Variants in HP1BP3 observed in about 807,000 individuals in gnomAD.
HP1BP3 encodes the protein heterochromatin protein 1 binding protein 3, also known as heterochromatin protein 1-binding protein 3.
In HP1BP3, 12 loss-of-function variants were observed where a neutral mutation model predicts 62.5. The observed-to-expected ratio is 0.19, with a 90% confidence interval of 0.12 to 0.31. HP1BP3 has a LOEUF of 0.31. Among genes scored for constraint, HP1BP3 ranks in the 10% least tolerant of loss-of-function variants. HP1BP3 has a pLI of 1.00. For synonymous variants in HP1BP3, 260 were observed against 237.8 expected (o/e 1.09, Z -0.86); for missense variants, 502 against 651.8 (o/e 0.77, Z 2.50).
intron 3 of HP1BP3, 81 bp downstream of exon 3, chr1:20,779,731 T>C: frequency 1.3e-6 from 1 of 751,592 alleles, no homozygotes; most frequent in South Asian, 1.9e-5. Context: ...AAAAAACAAT[T>C]AAGTTCAAAG....
chr1:20,764,561 T>C (rs1172100633), intron 8 of HP1BP3, among the ~76,000 whole-genome samples: 1 of 151,798 alleles, frequency 6.6e-6, no homozygotes, highest in Middle Eastern at 3.4e-3. Flanking sequence ...ACTCTTTTAA[T>C]GTTGTCAACT....
rs546409168 is a variant in HP1BP3 at position 20,746,101 on chromosome 1, TCTC to T, written c.1254-448_1254-446del. ...AAGCTTCAAAGGTATTCGGCAAGGA[TCTC>T]CTAAACTCTTTTTTGTCCTTGGTGG... On this transcript the variant is annotated intron_variant, in intron 11 of 12. Coordinates refer to ENST00000438032, the MANE Select transcript of HP1BP3 (RefSeq NM_001372052.1). Among the ~76,000 whole-genome samples, 235 of 152,168 alleles carry T rather than the reference TCTC, an allele frequency of 1.5e-3. 3 individuals carry two copies. Among genetic ancestry groups the T allele is most frequent in the African/African-American group, 5.3e-3 (220 of 41,490 alleles).
chr1:20,786,769 T>TGAGGG (rs1027738468), intron 1 of HP1BP3: 1 of 150,928 alleles, frequency 6.6e-6, no homozygotes, highest in African/African-American at 2.5e-5. Flanking sequence ...GGGAGTGGGG[T>TGAGGG]GAGGGGAGGG....
chr1:20,785,851 C>T (rs1305579142), intron 1 of HP1BP3, among the ~76,000 whole-genome samples: 1 of 152,178 alleles, frequency 6.6e-6, no homozygotes, highest in Non-Finnish European at 1.5e-5. Context: ...AATCAAAAAG[C>T]TAACAAGTTT....
chr1:20,771,100 T>G lies in HP1BP3; in HGVS notation c.511-27A>C, dbSNP rs747283162. 1.1e-5 allele frequency: 17 copies of G among 1,528,744 alleles called. No homozygotes were observed. The Admixed American group carries it at 1.5e-4, about 13-fold the overall frequency. 94.7% of individuals were successfully genotyped at this position (1,528,744 alleles called of 1,614,324 possible). On this transcript the variant is annotated intron_variant, in intron 5 of 12. Coordinates refer to ENST00000438032, the MANE Select transcript of HP1BP3 (RefSeq NM_001372052.1). ...TAGAAAAGATTTATTAAACTAGTTG[T>G]TTTTTTTTATTAGATAGAGCCTGAC...
At chr1:20,750,040 C>A in intron 9 of HP1BP3, 158 bp from the exon 10 acceptor site, 1 of 1,390,678 alleles carries the variant, frequency 7.2e-7, no homozygotes, top group South Asian at 1.6e-5. Flanking sequence ...TCCCATTCAA[C>A]AGGTATTCAA....
At position 20,771,093 on chromosome 1, in the gene HP1BP3, C is replaced by A. The variant is rs568773814; in HGVS notation, c.511-20G>T. On this transcript the variant is annotated intron_variant, in intron 5 of 12. Transcript: ENST00000438032. ...GCATGCCTAGAAAAGATTTATTAAA[C>A]TAGTTGTTTTTTTTTATTAGATAGA... The A allele has an allele frequency of 3.9e-5, 61 of 1,577,332 alleles. 1 individual carries two copies. In the South Asian group the frequency reaches 7.3e-4, roughly 19 times the overall value.
At chr1:20,778,598 C>T (rs925869709) in intron 3 of HP1BP3, among the ~76,000 whole-genome samples, 8 of 152,096 alleles carry the variant, frequency 5.3e-5, no homozygotes, top group Non-Finnish European at 1.2e-4. Context: ...CTTACCAGCA[C>T]CCGTTTACTT....
chr1:20,771,918 T>G (rs910160029), intron 5 of HP1BP3, among the ~76,000 whole-genome samples: 3 of 152,242 alleles, frequency 2.0e-5, no homozygotes, highest in African/African-American at 7.2e-5. Flanking sequence ...CTTCGTTGAA[T>G]GTTTTTATAC....
intron 4 of HP1BP3, chr1:20,776,083 A>G: frequency 7.8e-7 from 1 of 1,288,980 alleles, no homozygotes; most frequent in Non-Finnish European, 1.0e-6. Context: ...TCAATAGCAA[A>G]TTTTACTTTC....
chr1:20,787,228 C>A lies in HP1BP3; in HGVS notation c.-134G>T. 6.6e-6 allele frequency: 1 copy of A among 152,386 alleles called. No homozygotes were observed. The highest frequency in any genetic ancestry group is 1.9e-4 in the South Asian group (1 of 5,310). 9.4% of individuals were successfully genotyped at this position (152,386 alleles called of 1,614,324 possible). A position where few individuals can be genotyped will look rare whatever the true frequency, so the allele number is the denominator to read the frequency against. On this transcript the variant is annotated 5_prime_UTR_variant, in exon 1 of 13. Coordinates refer to ENST00000438032, the MANE Select transcript of HP1BP3 (RefSeq NM_001372052.1). The stretch of plus-strand genomic sequence containing the variant: ...TCGGCCGGTCCTGGCGCCCGCGTCC[C>A]GCACGGCCTCTCGGCGCCGCTCCCG...
chr1:20,755,230 G>A (rs961226764), intron 9 of HP1BP3: 9 of 306,304 alleles, frequency 2.9e-5, no homozygotes, highest in African/African-American at 1.7e-4. Flanking sequence ...CACTAGTATG[G>A]CTATAATAAA....
Position 20,771,053 on chromosome 1 carries a change from A to C in HP1BP3, c.531T>G (p.Gly177=). 1 of 1,607,022 alleles carries C rather than the reference A, an allele frequency of 6.2e-7. No individual in the cohort carries two copies. The highest frequency in any genetic ancestry group is 8.5e-7 in the Non-Finnish European group (1 of 1,177,756). Residue 177 remains glycine (G), a synonymous_variant, in exon 6 of 13, where the codon GGT becomes GGG. Coordinates refer to ENST00000438032, the MANE Select transcript of HP1BP3 (RefSeq NM_001372052.1). ...EAIKACFQKS[G]ASVVAIRKYI... Reference sequence around the variant, plus strand: ...ATTTTCGAATAGCAACCACTGATGCACCACTCTTCTGGAAGCATGCCTAGA... The same window carrying C: ...ATTTTCGAATAGCAACCACTGATGCCCCACTCTTCTGGAAGCATGCCTAGA...
intron 3 of HP1BP3, 42 bp downstream of exon 3, chr1:20,779,770 A>G (rs1426169249): frequency 7.5e-6 from 10 of 1,331,404 alleles, no homozygotes; most frequent in South Asian, 3.8e-5. Flanking sequence ...AAATTGCAGT[A>G]TAACTTTTGA....
intron 8 of HP1BP3, among the ~76,000 whole-genome samples, chr1:20,762,637 A>G (rs1411809619): frequency 6.6e-6 from 1 of 152,154 alleles, no homozygotes. Flanking sequence ...AGAAACTCAA[A>G]AATAATGAAA....
intron 9 of HP1BP3, among the ~76,000 whole-genome samples, chr1:20,751,967 A>C (rs956404994): frequency 1.3e-5 from 2 of 152,114 alleles, no homozygotes; most frequent in African/African-American, 4.8e-5. Context: ...TTGCATAATA[A>C]AACTAAGATA....
At chr1:20,783,300 C>T (rs2057657544) in intron 1 of HP1BP3, among the ~76,000 whole-genome samples, 1 of 152,056 alleles carries the variant, frequency 6.6e-6, no homozygotes, top group Non-Finnish European at 1.5e-5. Context: ...GCAGGGATCA[C>T]CTGAGGTCAG....
In HP1BP3 at chr1:20,743,697, G is replaced by C. The variant is rs2055153738; in HGVS notation, c.*1100C>G. Reference sequence around the variant, plus strand: ...TAATAATAAAAAATAAAAAAGATTTGTTTTGATTTTTGGTAACACAGGTGA... The same window carrying C: ...TAATAATAAAAAATAAAAAAGATTTCTTTTGATTTTTGGTAACACAGGTGA... On this transcript the variant is annotated 3_prime_UTR_variant, in exon 13 of 13. Transcript: ENST00000438032. The C allele has an allele frequency of 6.6e-6, 1 of 151,884 alleles. No individual in the cohort carries two copies. Among genetic ancestry groups the C allele is most frequent in the South Asian group, 2.1e-4 (1 of 4,812 alleles). 9.4% of individuals were successfully genotyped at this position (151,884 alleles called of 1,614,324 possible).
intron 5 of HP1BP3, 98 bp downstream of exon 5, chr1:20,773,353 A>G (rs589755): frequency 0.45 from 438,488 of 973,670 alleles, 101,092 homozygotes; most frequent in African/African-American, 0.54. Context: ...AGGAAGCAGA[A>G]CAAGATTTAT....
Sources: gnomAD v4.1 joint callset for allele counts (sites outside exome capture counted in the v4.1 genomes callset) on GRCh38, gnomAD v4.1.1 for gene constraint, MANE v1.5 for transcripts, NCBI Gene and HGNC (gene_info 2026-07-23, HGNC 2026-07-21) for gene names.